The following KCNMB3 variants were observed in gnomAD, a reference collection of about 807,000 sequenced individuals.
The protein encoded by KCNMB3 is potassium calcium-activated channel subfamily M regulatory beta subunit 3.
In KCNMB3, 18 loss-of-function variants were observed where a neutral mutation model predicts 11.9. The ratio of observed to expected loss-of-function variants is 1.51; its 90% CI spans 1.04 to 2.23. The LOEUF (loss-of-function observed/expected upper bound fraction) is 2.23, where lower values mean the gene tolerates loss of function less well. KCNMB3 is among the 30% of genes most tolerant of loss of function. The probability of loss-of-function intolerance (pLI) is 0.00; values close to 1 mark genes in which losing one functional copy is unlikely to be tolerated. For missense variants in KCNMB3, 247 were observed against 329.4 expected (o/e 0.75, Z 1.94); for synonymous variants, 78 against 119.2 (o/e 0.65, Z 2.25).
At chr3:179,244,338 A>G (rs1161178231) in intron 2 of KCNMB3, among the ~76,000 whole-genome samples, 157 bp downstream of exon 2, 2 of 152,254 alleles carry the variant, frequency 1.3e-5, no homozygotes, top group Non-Finnish European at 2.9e-5. Flanking sequence ...CACCAAGAAG[A>G]AAGCTTCATT....
chr3:179,265,244 C>T (rs1440689448), intron 1 of KCNMB3, among the ~76,000 whole-genome samples: 5 of 152,190 alleles, frequency 3.3e-5, no homozygotes, highest in African/African-American at 1.2e-4. Flanking sequence ...CCTGAACCCC[C>T]ATCTTATCCA....
chr3:179,264,554 A>T (rs1440494043), intron 1 of KCNMB3, among the ~76,000 whole-genome samples: 2 of 152,208 alleles, frequency 1.3e-5, no homozygotes, highest in African/African-American at 4.8e-5. Flanking sequence ...TCTTCACTGC[A>T]GATAGGACTG....
chr3:179,261,230 A>T, intron 1 of KCNMB3: 1 of 1,361,190 alleles, frequency 7.3e-7, no homozygotes, highest in Non-Finnish European at 9.7e-7. Flanking sequence ...TTCCGCGCTC[A>T]AACAGTAGAT....
chr3:179,251,519 A>T, upstream of KCNMB3: 1 of 1,370,792 alleles, frequency 7.3e-7, no homozygotes, highest in Non-Finnish European at 9.3e-7. Flanking sequence ...CTGGCCACTC[A>T]TGGTTCTGCA....
chr3:179,241,822 A>G (rs569211354), downstream of KCNMB3: 5 of 154,296 alleles, frequency 3.2e-5, no homozygotes, highest in South Asian at 1.0e-3. Flanking sequence ...TTCGCCATTA[A>G]AAGTTAACAG....
chr3:179,262,293 C>T (rs890806115), intron 1 of KCNMB3, among the ~76,000 whole-genome samples: 3 of 152,132 alleles, frequency 2.0e-5, no homozygotes, highest in South Asian at 2.1e-4. Context: ...AAACTGTGTC[C>T]GGAATTGGTG....
upstream of KCNMB3, chr3:179,251,557 C>G (rs1725844407): frequency 2.3e-6 from 3 of 1,324,690 alleles, no homozygotes; most frequent in South Asian, 5.2e-5. Flanking sequence ...CTTCTCTCCT[C>G]TCTCCACTGT....
intron 1 of KCNMB3, among the ~76,000 whole-genome samples, chr3:179,262,580 C>T (rs1726254636): frequency 6.6e-6 from 1 of 152,230 alleles, no homozygotes; most frequent in South Asian, 2.1e-4. Context: ...CCACTGCTGG[C>T]TGGGGCAGCC....
Position 179,243,027 on chromosome 3 carries a change from T to G in KCNMB3, c.705A>C (p.Leu235Phe). ...GMVRLTQHLS[L>F]LCEKYSTVVR... ...CTACAGTGCTATATTTTTCACACAG[T>G]AAGGACAGGTGTTGTGTTAATCTCA... Residue 235 changes from leucine to phenylalanine, a missense_variant, in exon 3 of 3, where the codon TTA (leucine) becomes TTC (phenylalanine). By Grantham distance (22) the Leu-to-Phe change is conservative (BLOSUM62 0). Coordinates refer to ENST00000392685, the MANE Select transcript of KCNMB3 (RefSeq NM_171830.2). 2 of 1,599,800 alleles carry G rather than the reference T, an allele frequency of 1.3e-6. No homozygotes were observed. Among genetic ancestry groups the G allele is most frequent in the Non-Finnish European group, 1.7e-6 (2 of 1,174,180 alleles).
upstream of KCNMB3, among the ~76,000 whole-genome samples, chr3:179,252,428 A>G (rs1275170572): frequency 6.6e-6 from 1 of 152,120 alleles, no homozygotes; most frequent in African/African-American, 2.4e-5. Context: ...TTTTTCCCAC[A>G]AGCATAGTTT....
upstream of KCNMB3, among the ~76,000 whole-genome samples, chr3:179,254,956 G>C (rs1002113446): frequency 6.6e-6 from 1 of 152,166 alleles, no homozygotes; most frequent in African/African-American, 2.4e-5. Flanking sequence ...CCTGAGGTCA[G>C]GAGTTTGAGA....
chr3:179,260,150 A>C, intron 1 of KCNMB3: 1 of 1,609,678 alleles, frequency 6.2e-7, no homozygotes, highest in Non-Finnish European at 8.5e-7. Flanking sequence ...CCTGCTCTCC[A>C]ACCTGAGTCA....
intron 1 of KCNMB3, chr3:179,260,031 C>T: frequency 6.2e-7 from 1 of 1,612,352 alleles, no homozygotes; most frequent in Non-Finnish European, 8.5e-7. Flanking sequence ...TTTCTCTAAA[C>T]TATGCCCTAT....
At chr3:179,266,866 G>A (rs73882974) in exon 1 of KCNMB3, 62,854 of 1,434,048 alleles carry the variant, frequency 0.044, 1,552 homozygotes, top group Middle Eastern at 0.059. Flanking sequence ...CCGCCTTCCT[G>A]GAGAGGTGAG....
chr3:179,263,899 G>A lies in KCNMB3; in HGVS notation c.62+2750C>T, dbSNP rs189042803. 3.1e-3 allele frequency among the ~76,000 whole-genome samples: 452 copies of A among 144,808 alleles called. 2 individuals carry two copies. Among genetic ancestry groups the A allele is most frequent in the African/African-American group, 0.011 (423 of 38,072 alleles). The allele number at this position is 144,808 out of a possible 152,430, so 95.0% of individuals were successfully genotyped here. On this transcript the variant is annotated intron_variant, in intron 1 of 3. Transcript: ENST00000349697. ...CAGCTCACTACAACCTCTGCTTCCC[G>A]GGTTCAAGCAATTCTCCTGCCTCAG...
chr3:179,255,335 A>G (rs190011618), upstream of KCNMB3, among the ~76,000 whole-genome samples: 3 of 152,160 alleles, frequency 2.0e-5, no homozygotes, highest in East Asian at 5.8e-4. Flanking sequence ...TATTTAAAGA[A>G]ATAAAGGAAG....
chr3:179,249,350 A>T (rs1476313929), intron 1 of KCNMB3, among the ~76,000 whole-genome samples: 2 of 149,584 alleles, frequency 1.3e-5, no homozygotes, highest in Non-Finnish European at 3.0e-5. Context: ...AATAAGCTAG[A>T]GAAAAGAAAA....
upstream of KCNMB3, among the ~76,000 whole-genome samples, chr3:179,253,472 G>C (rs1725914522): frequency 1.3e-5 from 2 of 152,102 alleles, no homozygotes; most frequent in African/African-American, 4.8e-5. Context: ...TTTCATGTGT[G>C]GGGAAGGGAT....
chr3:179,240,404 A>G, downstream of KCNMB3: 1 of 185,718 alleles, frequency 5.4e-6, no homozygotes, highest in South Asian at 1.3e-4. Context: ...TATATGTATG[A>G]ATGTATGTAT....
Sources: gnomAD v4.1 joint callset for allele counts (sites outside exome capture counted in the v4.1 genomes callset) on GRCh38, gnomAD v4.1.1 for gene constraint, MANE v1.5 for transcripts, NCBI Gene and HGNC (gene_info 2026-07-23, HGNC 2026-07-21) for gene names.